The following LANCL2 variants were observed in gnomAD, a reference collection of about 807,000 sequenced individuals.
The protein encoded by LANCL2 is LanC like glutathione S-transferase 2.
A neutral mutation model predicts 56.9 loss-of-function variants in LANCL2; 33 were observed. The observed-to-expected ratio is 0.58, with a 90% CI of 0.44 to 0.78. The LOEUF (loss-of-function observed/expected upper bound fraction) is 0.78, where lower values mean the gene tolerates loss of function less well. Ranked by LOEUF, LANCL2 falls within the 30% of genes least tolerant of loss-of-function variation. LANCL2 has a pLI of 0.00. For missense variants in LANCL2, 562 were observed against 580.2 expected, an observed-to-expected ratio of 0.97 and a Z score of 0.32; for synonymous variants, 233 against 228.2, an observed-to-expected ratio of 1.02 and a Z score of -0.19.
At chr7:55,387,158 GA>G (rs1325498733) in intron 1 of LANCL2, among the ~76,000 whole-genome samples, 2 of 152,168 alleles carry the variant, frequency 1.3e-5, no homozygotes, top group Non-Finnish European at 2.9e-5. Context: ...AAAAGTGTTT[GA>G]ATTTAATTAG....
chr7:55,402,226 G>T (rs1476261142), intron 5 of LANCL2, among the ~76,000 whole-genome samples: 1 of 117,892 alleles, frequency 8.5e-6, no homozygotes, highest in Non-Finnish European at 1.8e-5. Flanking sequence ...CCTCCCGGAC[G>T]GGGCGGCTGG....
chr7:55,388,330 G>A (rs1790148170), intron 1 of LANCL2, among the ~76,000 whole-genome samples: 1 of 152,236 alleles, frequency 6.6e-6, no homozygotes, highest in South Asian at 2.1e-4. Context: ...TGGATCACTT[G>A]AGGCCATGAG....
rs1002059367 is a variant in LANCL2 at position 55,428,248 on chromosome 7, G to A, written c.1186-127G>A. 4 of 780,560 alleles carry A rather than the reference G, an allele frequency of 5.1e-6. No homozygotes were observed. The African/African-American group carries it at 6.8e-5, about 13-fold the overall frequency. 48.4% of individuals were successfully genotyped at this position (780,560 alleles called of 1,614,324 possible). ...AAGAGGGGGTGCAGTAGCCCATGGA[G>A]CCCACGCTGAATGCCCTACAGCTGG... On this transcript the variant is annotated intron_variant, in intron 7 of 8. Coordinates refer to ENST00000254770, the MANE Select transcript of LANCL2 (RefSeq NM_018697.4).
intron 1 of LANCL2, among the ~76,000 whole-genome samples, chr7:55,378,273 A>C (rs1790025326): frequency 6.6e-6 from 1 of 152,174 alleles, no homozygotes; most frequent in Non-Finnish European, 1.5e-5. Flanking sequence ...CATTCTGGCC[A>C]ACATGGGGAA....
intron 1 of LANCL2, among the ~76,000 whole-genome samples, chr7:55,380,412 ATTG>A (rs1409263949): frequency 1.3e-4 from 12 of 89,352 alleles, no homozygotes; most frequent in African/African-American, 8.9e-4. Context: ...CATATACTGC[ATTG>A]TTTTTTTTTT....
At chr7:55,387,769 C>A (rs1172918415) in intron 1 of LANCL2, among the ~76,000 whole-genome samples, 2 of 152,114 alleles carry the variant, frequency 1.3e-5, no homozygotes, top group Admixed American at 6.5e-5. Flanking sequence ...CCGTTTATGA[C>A]ATACTTGGAC....
intron 2 of LANCL2, 47 bp downstream of exon 2, chr7:55,391,957 A>C (rs1268975186): frequency 9.2e-7 from 1 of 1,088,444 alleles, no homozygotes; most frequent in Admixed American, 1.9e-5. Context: ...TTCTTAGATT[A>C]TGAGATGTAA....
At chr7:55,412,914 G>T (rs3807349) in intron 6 of LANCL2, among the ~76,000 whole-genome samples, 41,568 of 152,060 alleles carry the variant, frequency 0.27, 6,175 homozygotes, top group Non-Finnish European at 0.34. Flanking sequence ...GAAATAATAA[G>T]AACTGATACC....
chr7:55,398,354 TA>T, intron 2 of LANCL2, 68 bp from the exon 3 acceptor site: 1 of 1,155,230 alleles, frequency 8.7e-7, no homozygotes, highest in Non-Finnish European at 1.3e-6. Flanking sequence ...CATGTAATTA[TA>T]AATAATGTCC....
At chr7:55,431,098 G>C in intron 8 of LANCL2, 128 bp from the exon 9 acceptor site, 1 of 504,366 alleles carries the variant, frequency 2.0e-6, no homozygotes, top group Non-Finnish European at 3.3e-6. Context: ...TTTTAATGAA[G>C]TCATCTTTAG....
chr7:55,424,657 CAAGGGG>C (rs1022637679), intron 6 of LANCL2, among the ~76,000 whole-genome samples: 1 of 152,118 alleles, frequency 6.6e-6, no homozygotes, highest in African/African-American at 2.4e-5. Context: ...AGAAGGAGGA[CAAGGGG>C]AATAGGCTAA....
intron 5 of LANCL2, among the ~76,000 whole-genome samples, chr7:55,406,711 C>T (rs1790411593): frequency 6.6e-6 from 1 of 152,184 alleles, no homozygotes; most frequent in Non-Finnish European, 1.5e-5. Flanking sequence ...TATGCAAAAA[C>T]TCTTAAAATA....
intron 5 of LANCL2, among the ~76,000 whole-genome samples, chr7:55,409,805 C>G (rs954536902): frequency 2.6e-5 from 4 of 152,012 alleles, no homozygotes; most frequent in Non-Finnish European, 4.4e-5. Context: ...AGCTTAGGTA[C>G]TGGTTTAAAG....
chr7:55,391,897 T>C lies in LANCL2; in HGVS notation c.309T>C (p.Tyr103=), dbSNP rs2128992848. 1 of 1,587,114 alleles carries C rather than the reference T, an allele frequency of 6.3e-7. No homozygotes were observed. The highest frequency in any genetic ancestry group is 8.7e-7 in the Non-Finnish European group (1 of 1,155,714). The change falls in exon 2 of 9, where the codon TAT becomes TAC. Residue 103 remains tyrosine (Y), a synonymous_variant. Transcript: ENST00000254770. ...CTGATCCCCATGACTGCTCTGCTTA[T>C]ACTGGCTGGACAGGTGAGGCTGTGG... ...KTADPHDCSA[Y]TGWTGIALLY... is the part of the protein sequence containing the mutation.
Position 55,433,013 on chromosome 7 carries a change from A to T in LANCL2, c.*1693A>T, listed in dbSNP as rs140063452. 6.6e-6 allele frequency: 1 copy of T among 152,320 alleles called. No homozygotes were observed. The highest frequency in any genetic ancestry group is 2.1e-4 in the South Asian group (1 of 4,834). The allele number at this position is 152,320 out of a possible 1,614,324, so 9.4% of individuals were successfully genotyped here. On this transcript the variant is annotated 3_prime_UTR_variant, in exon 9 of 9. Transcript: ENST00000254770. The stretch of plus-strand genomic sequence containing the variant: ...CTCACACGATGTCCAATCTCATCCA[A>T]ATAACATTGTTCCCATCCTCCCCAC...
intron 8 of LANCL2, among the ~76,000 whole-genome samples, 165 bp downstream of exon 8, chr7:55,428,612 C>A (rs1790694003): frequency 6.6e-6 from 1 of 152,120 alleles, no homozygotes; most frequent in South Asian, 2.1e-4. Context: ...AATCTCTTCA[C>A]CTTACCTATT....
chr7:55,419,400 CTTT>C (rs1156534780), intron 6 of LANCL2, among the ~76,000 whole-genome samples: 1 of 109,094 alleles, frequency 9.2e-6, no homozygotes. Context: ...TGTTCTTTTC[CTTT>C]TTTTTTTTTT....
At chr7:55,395,203 GAA>G (rs1040078326) in intron 2 of LANCL2, among the ~76,000 whole-genome samples, 1 of 151,944 alleles carries the variant, frequency 6.6e-6, no homozygotes, top group African/African-American at 2.4e-5. Context: ...TCAATTTTAA[GAA>G]AAAATATAAT....
chr7:55,414,434 TCTC>T (rs926475388), intron 6 of LANCL2, among the ~76,000 whole-genome samples: 1 of 152,196 alleles, frequency 6.6e-6, no homozygotes, highest in African/African-American at 2.4e-5. Context: ...AACATTTTCT[TCTC>T]CTGGCATATG....
Sources: gnomAD v4.1 joint callset for allele counts (sites outside exome capture counted in the v4.1 genomes callset) on GRCh38, gnomAD v4.1.1 for gene constraint, MANE v1.5 for transcripts, NCBI Gene and HGNC (gene_info 2026-07-23, HGNC 2026-07-21) for gene names.